The following TRABD2B variants were observed in gnomAD, a reference collection of about 807,000 sequenced individuals.
TRABD2B encodes metalloprotease TIKI2.
In TRABD2B, 14 loss-of-function variants were observed where a neutral mutation model predicts 40.1. The observed-to-expected ratio is 0.35, with a 90% CI of 0.23 to 0.55. The LOEUF is 0.55. Ranked by LOEUF, TRABD2B falls within the 20% of genes least tolerant of loss-of-function variation. The pLI, the probability that TRABD2B is intolerant of heterozygous loss-of-function variation, is 0.90. For missense variants in TRABD2B, 541 were observed against 648.6 expected (o/e 0.83, Z 1.80); for synonymous variants, 263 against 277.0 (o/e 0.95, Z 0.50).
intron 2 of TRABD2B, among the ~76,000 whole-genome samples, chr1:47,970,878 G>T (rs768473313): frequency 8.5e-5 from 13 of 152,164 alleles, no homozygotes; most frequent in Non-Finnish European, 1.8e-4. Flanking sequence ...CTCTGGTGGC[G>T]CATGTCTGCT....
At chr1:47,793,925 C>T (rs1644709597) in intron 4 of TRABD2B, among the ~76,000 whole-genome samples, 3 of 152,202 alleles carry the variant, frequency 2.0e-5, no homozygotes, top group Admixed American at 2.0e-4. Flanking sequence ...GCATCAAGTT[C>T]ACTGTTCCAT....
intron 2 of TRABD2B, among the ~76,000 whole-genome samples, chr1:47,914,091 T>C (rs1458304534): frequency 2.6e-5 from 4 of 152,206 alleles, no homozygotes; most frequent in Non-Finnish European, 5.9e-5. Context: ...CTTCCAATGT[T>C]CCCAAACACA....
At chr1:47,986,273 T>C (rs933087239) in intron 2 of TRABD2B, among the ~76,000 whole-genome samples, 3 of 152,172 alleles carry the variant, frequency 2.0e-5, no homozygotes, top group Non-Finnish European at 4.4e-5. Context: ...GCAACAGTAC[T>C]GAATATGTCT....
intron 4 of TRABD2B, among the ~76,000 whole-genome samples, chr1:47,794,196 C>T (rs192086050): frequency 1.8e-4 from 27 of 152,280 alleles, no homozygotes; most frequent in Admixed American, 9.8e-4. Context: ...GACTGTGGGA[C>T]GCCAGAGCCA....
intron 2 of TRABD2B, among the ~76,000 whole-genome samples, chr1:47,911,085 C>T (rs908698824): frequency 2.6e-5 from 4 of 152,180 alleles, no homozygotes; most frequent in African/African-American, 9.7e-5. Context: ...AGCAGAGCGC[C>T]AGCCCCAGCC....
chr1:47,865,448 C>T (rs991539358), intron 2 of TRABD2B, among the ~76,000 whole-genome samples: 2 of 152,076 alleles, frequency 1.3e-5, no homozygotes, highest in African/African-American at 4.8e-5. Flanking sequence ...CTTTACCTGA[C>T]CAACTAATGC....
At chr1:47,824,450 A>T (rs1645149764) in intron 2 of TRABD2B, among the ~76,000 whole-genome samples, 1 of 152,214 alleles carries the variant, frequency 6.6e-6, no homozygotes, top group Non-Finnish European at 1.5e-5. Flanking sequence ...AACTGGTCAG[A>T]CTGGTCCAAC....
chr1:47,943,058 TTA>T (rs1258831055), intron 2 of TRABD2B, among the ~76,000 whole-genome samples: 4 of 152,196 alleles, frequency 2.6e-5, no homozygotes, highest in African/African-American at 7.2e-5. Context: ...AATCATTTGG[TTA>T]TTCTGAGCCT....
intron 2 of TRABD2B, among the ~76,000 whole-genome samples, chr1:47,969,687 C>T (rs532138582): frequency 8.5e-5 from 13 of 152,262 alleles, no homozygotes; most frequent in South Asian, 2.1e-4. Context: ...AAGCCTAAAA[C>T]GATTGGACAG....
At chr1:47,768,508 C>T (rs1644335829) in intron 6 of TRABD2B, among the ~76,000 whole-genome samples, 1 of 152,162 alleles carries the variant, frequency 6.6e-6, no homozygotes, top group South Asian at 2.1e-4. Context: ...TTCCTACTCA[C>T]CTTCGAAGGC....
rs907589924 is a variant in TRABD2B at position 47,880,256 on chromosome 1, C to T, written c.667-78637G>A. On this transcript the variant is annotated intron_variant, in intron 2 of 6. Coordinates refer to ENST00000606738, the MANE Select transcript of TRABD2B (RefSeq NM_001194986.2). ...GCTTGAGCCCAGGAGGTGGAGGTTGCAGTGAGCTGAGATTGTGCCACTGCA... is the reference window on the plus strand; with the variant it reads ...GCTTGAGCCCAGGAGGTGGAGGTTGTAGTGAGCTGAGATTGTGCCACTGCA... 1.1e-4 allele frequency among the ~76,000 whole-genome samples: 16 copies of T among 152,122 alleles called. No individual in the cohort carries two copies. In the East Asian group the frequency reaches 2.9e-3, roughly 28 times the overall value.
chr1:47,926,782 G>A lies in TRABD2B; in HGVS notation c.666+67252C>T, dbSNP rs141920669. ...CCTGGGGCATGCAGCACCACAGACT[G>A]GTGCCAACTACTCAGCCCTACTCCC... On this transcript the variant is annotated intron_variant, in intron 2 of 6. Transcript: ENST00000606738. Among the ~76,000 whole-genome samples, 14 of 152,248 alleles carry A rather than the reference G, an allele frequency of 9.2e-5. No homozygotes were observed. In the East Asian group the frequency reaches 1.4e-3, roughly 15 times the overall value.
intron 2 of TRABD2B, among the ~76,000 whole-genome samples, chr1:47,957,655 G>A (rs1645444302): frequency 6.6e-6 from 1 of 152,050 alleles, no homozygotes; most frequent in Non-Finnish European, 1.5e-5. Flanking sequence ...GAGAAGTTTA[G>A]AGAAAAAAGA....
intron 2 of TRABD2B, among the ~76,000 whole-genome samples, chr1:47,978,012 G>A (rs1036507974): frequency 6.6e-6 from 1 of 151,908 alleles, no homozygotes; most frequent in Non-Finnish European, 1.5e-5. Context: ...TCCATAATAT[G>A]TTCCCATTCA....
intron 2 of TRABD2B, among the ~76,000 whole-genome samples, chr1:47,984,316 G>T (rs572542330): frequency 2.0e-5 from 3 of 152,230 alleles, no homozygotes; most frequent in Admixed American, 2.0e-4. Flanking sequence ...ATCGAGTGAC[G>T]GGCGAGGACA....
intron 2 of TRABD2B, among the ~76,000 whole-genome samples, chr1:47,893,910 G>A (rs1644483121): frequency 6.6e-6 from 1 of 152,076 alleles, no homozygotes; most frequent in Non-Finnish European, 1.5e-5. Context: ...ACCAAAAAGC[G>A]ATTTGTGAGA....
chr1:47,937,351 C>T lies in TRABD2B; in HGVS notation c.666+56683G>A, dbSNP rs560736063. On this transcript the variant is annotated intron_variant, in intron 2 of 6. Coordinates refer to ENST00000606738, the MANE Select transcript of TRABD2B (RefSeq NM_001194986.2). ...ACCACCATCATGATCATCATCATCACCACCACCGTCATGATCATCATCATC... is the reference window on the plus strand; with the variant it reads ...ACCACCATCATGATCATCATCATCATCACCACCGTCATGATCATCATCATC... Among the ~76,000 whole-genome samples, 106 of 151,704 alleles carry T rather than the reference C, an allele frequency of 7.0e-4. 1 individual carries two copies. Among genetic ancestry groups the T allele is most frequent in the African/African-American group, 2.5e-3 (103 of 41,388 alleles).
rs376955157 is a variant in TRABD2B, at chr1:47,909,383, C to T, written c.666+84651G>A. Among the ~76,000 whole-genome samples, 12 of 146,974 alleles carry T rather than the reference C, an allele frequency of 8.2e-5. No individual in the cohort carries two copies. The South Asian group carries it at 1.7e-3, about 21-fold the overall frequency. On this transcript the variant is annotated intron_variant, in intron 2 of 6. Transcript: ENST00000606738. ...GAAGGGGACCAGCCATGTCACAGGG[C>T]GAGAGAGGAAGCATGAGAGAGAAAG...
intron 2 of TRABD2B, among the ~76,000 whole-genome samples, chr1:47,861,182 T>C (rs1373613685): frequency 1.3e-5 from 2 of 152,106 alleles, no homozygotes; most frequent in Admixed American, 1.3e-4. Flanking sequence ...TGATTATCTA[T>C]AGCAGTGGTT....
Sources: allele counts gnomAD v4.1 joint callset (sites outside exome capture counted in the v4.1 genomes callset), GRCh38; gene constraint gnomAD v4.1.1; transcripts MANE v1.5; gene names NCBI Gene and HGNC (gene_info 2026-07-23, HGNC 2026-07-21).